The following KATNIP variants were observed in gnomAD, a reference collection of about 807,000 sequenced individuals.
The protein encoded by KATNIP is katanin interacting protein.
Under a neutral mutation model 174.0 loss-of-function variants are expected in KATNIP, and 126 were observed. The observed-to-expected ratio is 0.72, with a 90% CI of 0.63 to 0.84. The LOEUF is 0.84. Ranked by LOEUF, KATNIP falls within the 40% of genes least tolerant of loss-of-function variation. The pLI is 0.00. For missense variants in KATNIP, 1,958 were observed against 2,109.7 expected (o/e 0.93, Z 1.41); for synonymous variants, 810 against 835.7 (o/e 0.97, Z 0.53).
At chr16:27,604,218 C>G (rs2075629356) in intron 2 of KATNIP, among the ~76,000 whole-genome samples, 1 of 152,204 alleles carries the variant, frequency 6.6e-6, no homozygotes, top group African/African-American at 2.4e-5. Flanking sequence ...CTCGCCTCAG[C>G]CTCCCAAGTA....
chr16:27,561,286 G>A (rs1343637969), intron 1 of KATNIP, among the ~76,000 whole-genome samples: 1 of 151,896 alleles, frequency 6.6e-6, no homozygotes, highest in Non-Finnish European at 1.5e-5. Flanking sequence ...GCCTCCCAAA[G>A]TGTTGGGATT....
chr16:27,752,240 G>A (rs550026313), intron 17 of KATNIP, among the ~76,000 whole-genome samples: 1 of 152,098 alleles, frequency 6.6e-6, no homozygotes, highest in African/African-American at 2.4e-5. Context: ...TTGGGGTTGC[G>A]TTTTGATCAT....
intron 1 of KATNIP, among the ~76,000 whole-genome samples, chr16:27,557,098 A>G (rs2089659301): frequency 1.3e-5 from 2 of 151,636 alleles, no homozygotes; most frequent in Non-Finnish European, 2.9e-5. Context: ...TGAAGGCGAT[A>G]TGGGAATTCA....
At chr16:27,591,779 A>C (rs1325454623) in intron 2 of KATNIP, among the ~76,000 whole-genome samples, 2 of 152,156 alleles carry the variant, frequency 1.3e-5, no homozygotes, top group African/African-American at 4.8e-5. Flanking sequence ...TGGTTTTGGC[A>C]GCCATACCAT....
At chr16:27,646,629 G>T (rs1458743925) in intron 5 of KATNIP, among the ~76,000 whole-genome samples, 2 of 152,306 alleles carry the variant, frequency 1.3e-5, no homozygotes, top group South Asian at 4.1e-4. Context: ...TAATTATCAG[G>T]TGTGTGGTTG....
At chr16:27,634,709 A>G (rs2076584917) in intron 5 of KATNIP, among the ~76,000 whole-genome samples, 1 of 151,914 alleles carries the variant, frequency 6.6e-6, no homozygotes, top group South Asian at 2.1e-4. Flanking sequence ...TCCTCTCCTC[A>G]CCTCACTTCT....
chr16:27,690,272 T>C (rs1195508869), intron 8 of KATNIP, among the ~76,000 whole-genome samples: 1 of 151,222 alleles, frequency 6.6e-6, no homozygotes, highest in African/African-American at 2.4e-5. Context: ...GCCATACTCA[T>C]TCCATGGCAC....
At chr16:27,609,380 T>A (rs1350023120) in intron 2 of KATNIP, among the ~76,000 whole-genome samples, 1 of 36,552 alleles carries the variant, frequency 2.7e-5, no homozygotes, top group East Asian at 1.2e-3. Context: ...AGTTAAGTCT[T>A]TTTTTTTTTT....
At chr16:27,608,111 G>A (rs1034988081) in intron 2 of KATNIP, among the ~76,000 whole-genome samples, 3 of 151,950 alleles carry the variant, frequency 2.0e-5, no homozygotes, top group African/African-American at 2.4e-5. Flanking sequence ...AGAGGAATAC[G>A]TGATCCTTGA....
intron 15 of KATNIP, among the ~76,000 whole-genome samples, chr16:27,744,072 A>G (rs73517330): frequency 0.028 from 4,246 of 152,318 alleles, 205 homozygotes; most frequent in African/African-American, 0.096. Context: ...TCGTGCTAAA[A>G]AGGAAAGTTG....
Position 27,777,144 on chromosome 16 carries a change from C to A in KATNIP, c.4551+115C>A. ...CTTCTCTCTGTTGCAACCCTCAACA[C>A]AAATGCCTGGTCGTCAGATGCAGGC... On this transcript the variant is annotated intron_variant, in intron 25 of 27. Transcript: ENST00000261588. This position sits in a 1 kb window ranked among gnomAD's most constrained non-coding sequence, Gnocchi z 4.4. The A allele has an allele frequency of 1.4e-6, 1 of 718,844 alleles. No homozygotes were observed. The highest frequency in any genetic ancestry group is 2.5e-6 in the Non-Finnish European group (1 of 406,512). 44.5% of individuals were successfully genotyped at this position (718,844 alleles called of 1,614,324 possible).
rs186743229 is a variant in KATNIP, at chr16:27,626,250, A to G, written c.141-2411A>G. Reference sequence around the variant, plus strand: ...CCCATGTTTCTATAGAGTCTTCATAATGATAACATCTGTGTAATAGCAGCT... The same window carrying G: ...CCCATGTTTCTATAGAGTCTTCATAGTGATAACATCTGTGTAATAGCAGCT... On this transcript the variant is annotated intron_variant, in intron 3 of 27. Transcript: ENST00000261588. 2.3e-4 allele frequency among the ~76,000 whole-genome samples: 35 copies of G among 149,608 alleles called. 1 individual carries two copies. The East Asian group carries it at 6.6e-3, about 28-fold the overall frequency.
chr16:27,643,156 T>G (rs531657298), intron 5 of KATNIP: 1 of 152,364 alleles, frequency 6.6e-6, no homozygotes, highest in African/African-American at 2.4e-5. Context: ...CTAAAATCCT[T>G]CTGGCCCTTT....
chr16:27,557,680 G>C (rs1412226856), intron 1 of KATNIP, among the ~76,000 whole-genome samples: 1 of 152,050 alleles, frequency 6.6e-6, no homozygotes, highest in African/African-American at 2.4e-5. Flanking sequence ...CTCCCACCTT[G>C]GCCTCCCAAG....
chr16:27,758,417 G>A (rs558484572), intron 18 of KATNIP, among the ~76,000 whole-genome samples: 30 of 152,260 alleles, frequency 2.0e-4, no homozygotes, highest in Middle Eastern at 3.4e-3. Flanking sequence ...CCTTGTTCAA[G>A]CCATCCTTAC....
intron 14 of KATNIP, among the ~76,000 whole-genome samples, chr16:27,731,007 G>A (rs762145883): frequency 1.3e-5 from 2 of 152,058 alleles, no homozygotes; most frequent in African/African-American, 4.8e-5. Flanking sequence ...CAGACCCCCC[G>A]TGGCTGCGGT....
At chr16:27,581,897 C>A (rs1399915003) in intron 2 of KATNIP, among the ~76,000 whole-genome samples, 2 of 152,172 alleles carry the variant, frequency 1.3e-5, no homozygotes, top group Non-Finnish European at 2.9e-5. Flanking sequence ...CCAGTTCTAT[C>A]CATGTTGCTG....
At position 27,659,076 on chromosome 16, in the gene KATNIP, A is replaced by G. The variant is rs561091906; in HGVS notation, c.540+10341A>G. On this transcript the variant is annotated intron_variant, in intron 6 of 27. Coordinates refer to ENST00000261588, the MANE Select transcript of KATNIP (RefSeq NM_015202.5). Reference sequence around the variant, plus strand: ...GCCACCATGCCTGGCCTGTAGGTCAATTTGTATCCAAAATATTGACCATTA... The same window carrying G: ...GCCACCATGCCTGGCCTGTAGGTCAGTTTGTATCCAAAATATTGACCATTA... 1.6e-4 allele frequency among the ~76,000 whole-genome samples: 24 copies of G among 152,174 alleles called. No individual in the cohort carries two copies. In the South Asian group the frequency reaches 3.9e-3, roughly 25 times the overall value.
chr16:27,761,907 G>C (rs892506984), intron 19 of KATNIP, among the ~76,000 whole-genome samples: 1 of 152,192 alleles, frequency 6.6e-6, no homozygotes, highest in Admixed American at 6.5e-5. Context: ...CACAGTAGCT[G>C]TCTGTAAACC....
Sources: allele counts gnomAD v4.1 joint callset (sites outside exome capture counted in the v4.1 genomes callset), GRCh38; gene constraint gnomAD v4.1.1; non-coding constraint Gnocchi (gnomAD v3.1); transcripts MANE v1.5; gene names NCBI Gene and HGNC (gene_info 2026-07-23, HGNC 2026-07-21).